Variants in CACNA2D1 observed in about 807,000 individuals in gnomAD.
CACNA2D1 encodes the protein voltage-dependent calcium channel subunit alpha-2/delta-1.
CACNA2D1 carries 53 observed loss-of-function variants against 171.5 expected under a neutral mutation model. The ratio of observed to expected loss-of-function variants is 0.31; its 90% CI spans 0.25 to 0.39. The LOEUF is 0.39. Ranked by LOEUF, CACNA2D1 falls within the 10% of genes least tolerant of loss-of-function variation. The pLI, the probability that CACNA2D1 is intolerant of heterozygous loss-of-function variation, is 1.00. For missense variants in CACNA2D1, 903 were observed against 1,299.8 expected, an observed-to-expected ratio of 0.69 and a Z score of 4.69; for synonymous variants, 442 against 443.1, an observed-to-expected ratio of 1.00 and a Z score of 0.03.
chr7:82,350,839 A>G (rs2129446044), intron 1 of CACNA2D1, among the ~76,000 whole-genome samples: 1 of 152,314 alleles, frequency 6.6e-6, no homozygotes, highest in African/African-American at 2.4e-5. Flanking sequence ...TGATCATTAC[A>G]ATTATGATCG....
At chr7:82,165,064 C>CA (rs1795299035) in intron 4 of CACNA2D1, among the ~76,000 whole-genome samples, 1 of 151,916 alleles carries the variant, frequency 6.6e-6, no homozygotes, top group African/African-American at 2.4e-5. Flanking sequence ...ACATTGGCAG[C>CA]AATCCCAGGA....
intron 3 of CACNA2D1, among the ~76,000 whole-genome samples, chr7:82,235,283 T>C (rs1367702071): frequency 1.3e-5 from 2 of 152,172 alleles, no homozygotes; most frequent in Non-Finnish European, 2.9e-5. Flanking sequence ...ATTTGTCTTC[T>C]GAAAGAAATA....
At position 82,370,609 on chromosome 7, in the gene CACNA2D1, A is replaced by C. The variant is rs534187686; in HGVS notation, c.96-20960T>G. On this transcript the variant is annotated intron_variant, in intron 1 of 38. Coordinates refer to ENST00000356860, the MANE Select transcript of CACNA2D1 (RefSeq NM_000722.4). ...AATAGAGATATACAGATATAGATACAGAAATAGATATAAGTAGATACACAT... is the reference window on the plus strand; with the variant it reads ...AATAGAGATATACAGATATAGATACCGAAATAGATATAAGTAGATACACAT... Among the ~76,000 whole-genome samples the C allele has an allele frequency of 1.4e-3, 214 of 152,200 alleles. 1 individual carries two copies. Among genetic ancestry groups the C allele is most frequent in the African/African-American group, 4.8e-3 (199 of 41,576 alleles).
intron 3 of CACNA2D1, among the ~76,000 whole-genome samples, chr7:82,271,757 A>G (rs1808661574): frequency 6.6e-6 from 1 of 152,158 alleles, no homozygotes; most frequent in Admixed American, 6.6e-5. Context: ...CTAGACCAGC[A>G]AAGCAGCTAA....
intron 3 of CACNA2D1, among the ~76,000 whole-genome samples, chr7:82,323,393 A>T (rs968116546): frequency 1.3e-5 from 2 of 152,142 alleles, no homozygotes. Flanking sequence ...GATGACTATC[A>T]TCATAGAAAG....
intron 3 of CACNA2D1, among the ~76,000 whole-genome samples, chr7:82,206,768 CAACT>C (rs1800037478): frequency 6.6e-6 from 1 of 152,022 alleles, no homozygotes; most frequent in Non-Finnish European, 1.5e-5. Context: ...GGAAGAATAA[CAACT>C]AACAGGATAT....
chr7:82,443,772 C>G lies in CACNA2D1; in HGVS notation c.-313G>C, dbSNP rs949672443. ...GCGAGCCCGCCGGCGCTCGCGCGCT[C>G]TCGCTCTCCCTCTCGGTTTCCTCCC... On this transcript the variant is annotated 5_prime_UTR_variant, in exon 1 of 39. Transcript: ENST00000356860. 2.2e-5 allele frequency: 23 copies of G among 1,055,714 alleles called. No homozygotes were observed. Among genetic ancestry groups the G allele is most frequent in the South Asian group, 4.8e-5 (1 of 20,852 alleles). The allele number at this position is 1,055,714 out of a possible 1,614,324, so 65.4% of individuals were successfully genotyped here.
At chr7:82,123,955 A>G (rs1316508159) in intron 5 of CACNA2D1, among the ~76,000 whole-genome samples, 2 of 152,034 alleles carry the variant, frequency 1.3e-5, no homozygotes, top group Non-Finnish European at 2.9e-5. Context: ...ATATATGTAT[A>G]TATAATATAT....
At chr7:82,077,069 G>C (rs1449987729) in intron 7 of CACNA2D1, among the ~76,000 whole-genome samples, 1 of 152,152 alleles carries the variant, frequency 6.6e-6, no homozygotes, top group East Asian at 1.9e-4. Flanking sequence ...TTAATAATTT[G>C]TATTGCAATC....
intron 3 of CACNA2D1, among the ~76,000 whole-genome samples, chr7:82,229,867 T>C (rs1280906919): frequency 6.6e-6 from 1 of 152,084 alleles, no homozygotes; most frequent in Admixed American, 6.6e-5. Flanking sequence ...ATGCATGTGA[T>C]GATGGCTGCT....
intron 6 of CACNA2D1, among the ~76,000 whole-genome samples, chr7:82,098,121 C>T (rs1812147945): frequency 6.6e-6 from 1 of 151,840 alleles, no homozygotes; most frequent in African/African-American, 2.4e-5. Context: ...CAGAGCAAGA[C>T]TTCGTCTAAA....
intron 2 of CACNA2D1, among the ~76,000 whole-genome samples, chr7:82,337,086 A>G (rs574456194): frequency 3.9e-5 from 6 of 152,280 alleles, no homozygotes; most frequent in African/African-American, 9.6e-5. Context: ...GCATATAAGT[A>G]TCTTCTCAAA....
intron 3 of CACNA2D1, among the ~76,000 whole-genome samples, chr7:82,246,884 C>T (rs1029090517): frequency 2.6e-5 from 4 of 152,070 alleles, no homozygotes; most frequent in African/African-American, 9.7e-5. Context: ...CCTCTCTCCC[C>T]ACCATCACCC....
intron 2 of CACNA2D1, among the ~76,000 whole-genome samples, chr7:82,341,356 A>G (rs1221176435): frequency 6.6e-6 from 1 of 152,178 alleles, no homozygotes; most frequent in Admixed American, 6.5e-5. Context: ...CCTAAGGTAA[A>G]GAGTAACTAG....
intron 3 of CACNA2D1, among the ~76,000 whole-genome samples, chr7:82,268,536 G>A (rs972146531): frequency 1.3e-5 from 2 of 151,760 alleles, no homozygotes; most frequent in East Asian, 1.9e-4. Context: ...TCTTCTCTTC[G>A]CTTCTTCTTA....
At chr7:82,184,634 G>C (rs1797480270) in intron 3 of CACNA2D1, among the ~76,000 whole-genome samples, 1 of 152,078 alleles carries the variant, frequency 6.6e-6, no homozygotes. Context: ...CTTCTAAGCA[G>C]TGACAAATTT....
rs1389671703 is a variant in CACNA2D1, at chr7:82,329,249, T to C, written c.294+5886A>G. On this transcript the variant is annotated intron_variant, in intron 3 of 38. Transcript: ENST00000356860. Reference sequence around the variant, plus strand: ...TGTTCCTTTTTTTGTTATCTAATCATAAGCTCAATATCAAGGTTGAATTAA... The same window carrying C: ...TGTTCCTTTTTTTGTTATCTAATCACAAGCTCAATATCAAGGTTGAATTAA... Among the ~76,000 whole-genome samples, 3 of 152,166 alleles carry C rather than the reference T, an allele frequency of 2.0e-5. No homozygotes were observed. The East Asian group carries it at 5.8e-4, about 29-fold the overall frequency.
In CACNA2D1 at chr7:82,349,961, A is replaced by T. The variant is rs1025491858; in HGVS notation, c.96-312T>A. ...AAATTCCATTAAATAGCTATTAAAC[A>T]TTCTAAACTACAAACTTTATCTTTT... On this transcript the variant is annotated intron_variant, in intron 1 of 38. Coordinates refer to ENST00000356860, the MANE Select transcript of CACNA2D1 (RefSeq NM_000722.4). 3.4e-4 allele frequency among the ~76,000 whole-genome samples: 51 copies of T among 152,208 alleles called. 1 individual carries two copies. The highest frequency in any genetic ancestry group is 8.3e-4 in the South Asian group (4 of 4,824).
intron 3 of CACNA2D1, among the ~76,000 whole-genome samples, chr7:82,185,574 GA>G (rs1167321412): frequency 5.0e-5 from 7 of 139,790 alleles, no homozygotes; most frequent in Non-Finnish European, 9.3e-5. Context: ...GGGAGGAGAA[GA>G]AAAGACCAAA....
Sources: gnomAD v4.1 joint callset for allele counts (sites outside exome capture counted in the v4.1 genomes callset) on GRCh38, gnomAD v4.1.1 for gene constraint, MANE v1.5 for transcripts, NCBI Gene and HGNC (gene_info 2026-07-23, HGNC 2026-07-21) for gene names.